The following CAMK2D variants were observed in gnomAD, a reference collection of about 807,000 sequenced individuals.
The protein encoded by CAMK2D is calcium/calmodulin-dependent protein kinase type II subunit delta.
Under a neutral mutation model 84.0 loss-of-function variants are expected in CAMK2D, and 37 were observed. The observed-to-expected ratio is 0.44, with a 90% CI of 0.34 to 0.58. The LOEUF is 0.58. Among genes scored for constraint, CAMK2D ranks in the 20% least tolerant of loss-of-function variants. The pLI is 0.02. For missense variants in CAMK2D, 448 were observed against 652.5 expected (o/e 0.69, Z 3.41); for synonymous variants, 202 against 212.5 (o/e 0.95, Z 0.43).
intron 3 of CAMK2D, among the ~76,000 whole-genome samples, chr4:113,650,790 T>C (rs1045702584): frequency 6.6e-6 from 1 of 152,200 alleles, no homozygotes; most frequent in African/African-American, 2.4e-5. Context: ...ATAATAATTA[T>C]GGATGTCTCA....
chr4:113,629,483 AAAT>A lies in CAMK2D; in HGVS notation c.221-20280_221-20278del, dbSNP rs563370136. On this transcript the variant is annotated intron_variant, in intron 3 of 20. Transcript: ENST00000511664. ...ACAGTGACTCAATGCATATATAAAC[AAAT>A]AATATATATACATACATAACTAAAA... Among the ~76,000 whole-genome samples, 69 of 152,196 alleles carry A rather than the reference AAAT, an allele frequency of 4.5e-4. No homozygotes were observed. The East Asian group carries it at 0.013, about 29-fold the overall frequency.
intron 2 of CAMK2D, among the ~76,000 whole-genome samples, chr4:113,681,284 G>A (rs1201302275): frequency 6.6e-6 from 1 of 152,128 alleles, no homozygotes; most frequent in East Asian, 1.9e-4. Flanking sequence ...CCTGGTGGGA[G>A]GTAACTGAAT....
At chr4:113,682,866 C>T (rs936323424) in intron 2 of CAMK2D, among the ~76,000 whole-genome samples, 22 of 152,072 alleles carry the variant, frequency 1.4e-4, no homozygotes, top group African/African-American at 5.1e-4. Context: ...GAAATAAGGA[C>T]TAAAGTACAT....
chr4:113,542,718 A>AC (rs2098539123), intron 6 of CAMK2D, among the ~76,000 whole-genome samples: 1 of 151,916 alleles, frequency 6.6e-6, no homozygotes, highest in Non-Finnish European at 1.5e-5. Context: ...CCGTCTCAAA[A>AC]AAAAAAAAAA....
chr4:113,483,963 A>G (rs1039322755), intron 16 of CAMK2D, among the ~76,000 whole-genome samples: 1 of 152,222 alleles, frequency 6.6e-6, no homozygotes, highest in African/African-American at 2.4e-5. Context: ...TCAAGTAAAC[A>G]GAGTCACTTT....
intron 16 of CAMK2D, among the ~76,000 whole-genome samples, chr4:113,485,990 T>A (rs935460797): frequency 5.9e-5 from 9 of 152,254 alleles, no homozygotes; most frequent in African/African-American, 2.2e-4. Flanking sequence ...AGGAGTTTTA[T>A]CTTTGAGGAG....
intron 19 of CAMK2D, among the ~76,000 whole-genome samples, chr4:113,456,275 T>C (rs1161658347): frequency 1.3e-5 from 2 of 152,180 alleles, no homozygotes; most frequent in Admixed American, 6.6e-5. Context: ...CCATTCCAAA[T>C]CTCAAATATT....
intron 4 of CAMK2D, among the ~76,000 whole-genome samples, chr4:113,559,810 A>G (rs566353782): frequency 7.2e-6 from 1 of 138,910 alleles, no homozygotes; most frequent in South Asian, 2.4e-4. Flanking sequence ...TGAAAGCAGG[A>G]AAGCTACTGT....
intron 16 of CAMK2D, among the ~76,000 whole-genome samples, chr4:113,482,379 G>C (rs1395159679): frequency 6.6e-6 from 1 of 152,060 alleles, no homozygotes; most frequent in African/African-American, 2.4e-5. Context: ...AAACTGAGGA[G>C]ACAAAGAAAG....
At chr4:113,707,027 G>A (rs1185898232) in intron 2 of CAMK2D, among the ~76,000 whole-genome samples, 1 of 151,960 alleles carries the variant, frequency 6.6e-6, no homozygotes, top group East Asian at 1.9e-4. Context: ...CAAGGTAAAG[G>A]CTGGCCACGT....
chr4:113,657,668 G>T (rs975814554), intron 3 of CAMK2D, among the ~76,000 whole-genome samples: 7 of 151,944 alleles, frequency 4.6e-5, no homozygotes, highest in Non-Finnish European at 1.5e-5. Flanking sequence ...AATAACACAT[G>T]AAAAAAAGTA....
intron 3 of CAMK2D, among the ~76,000 whole-genome samples, chr4:113,637,825 C>T (rs2099115876): frequency 6.6e-6 from 1 of 151,814 alleles, no homozygotes; most frequent in Admixed American, 6.6e-5. Context: ...AGATAGGCTG[C>T]CTGGACATAC....
chr4:113,600,702 G>A (rs2098948218), intron 4 of CAMK2D, among the ~76,000 whole-genome samples: 2 of 152,088 alleles, frequency 1.3e-5, no homozygotes, highest in African/African-American at 4.8e-5. Flanking sequence ...GCATAATCTT[G>A]TCTCACTGCA....
At chr4:113,660,454 T>G (rs575666576) in intron 3 of CAMK2D, among the ~76,000 whole-genome samples, 1 of 152,128 alleles carries the variant, frequency 6.6e-6, no homozygotes, top group Non-Finnish European at 1.5e-5. Flanking sequence ...CTGTCTGAAG[T>G]GCATGGCTCA....
At chr4:113,698,350 C>T (rs540998020) in intron 2 of CAMK2D, among the ~76,000 whole-genome samples, 1 of 152,110 alleles carries the variant, frequency 6.6e-6, no homozygotes, top group South Asian at 2.1e-4. Context: ...CATACATTGA[C>T]TTGGACATGT....
At chr4:113,524,507 G>A (rs1015766486) in intron 8 of CAMK2D, among the ~76,000 whole-genome samples, 2 of 152,132 alleles carry the variant, frequency 1.3e-5, no homozygotes, top group African/African-American at 2.4e-5. Flanking sequence ...ACAATTATAC[G>A]TATAAACCAC....
At chr4:113,702,786 T>C (rs1311487603) in intron 2 of CAMK2D, among the ~76,000 whole-genome samples, 1 of 152,112 alleles carries the variant, frequency 6.6e-6, no homozygotes, top group African/African-American at 2.4e-5. Flanking sequence ...TATGCACCTG[T>C]AATCCCAGCT....
At chr4:113,687,494 T>C (rs1426059815) in intron 2 of CAMK2D, among the ~76,000 whole-genome samples, 2 of 152,180 alleles carry the variant, frequency 1.3e-5, no homozygotes, top group African/African-American at 2.4e-5. Context: ...GGCCTTTTAT[T>C]AGGTGCACTA....
rs553391529 is a variant in CAMK2D, at chr4:113,646,229, A to T, written c.220+15484T>A. Among the ~76,000 whole-genome samples, 8 of 152,204 alleles carry T rather than the reference A, an allele frequency of 5.3e-5. 1 individual carries two copies. In the South Asian group the frequency reaches 1.7e-3, roughly 32 times the overall value. Reference sequence around the variant, plus strand: ...GTTTGTTCCTCTTCAGATAATCTAAACTTGAACTTAAAAAAAATATATGTA... The same window carrying T: ...GTTTGTTCCTCTTCAGATAATCTAATCTTGAACTTAAAAAAAATATATGTA... On this transcript the variant is annotated intron_variant, in intron 3 of 20. Coordinates refer to ENST00000511664, the MANE Select transcript of CAMK2D (RefSeq NM_001321571.2).
Sources: gnomAD v4.1 joint callset for allele counts (sites outside exome capture counted in the v4.1 genomes callset) on GRCh38, gnomAD v4.1.1 for gene constraint, MANE v1.5 for transcripts, NCBI Gene and HGNC (gene_info 2026-07-23, HGNC 2026-07-21) for gene names.